Variants in SLC2A9 observed in about 807,000 individuals in gnomAD.
SLC2A9 encodes the protein solute carrier family 2, facilitated glucose transporter member 9.
A neutral mutation model predicts 50.6 loss-of-function variants in SLC2A9; 39 were observed. That is an observed-to-expected ratio of 0.77 (90% CI 0.60 to 1.01). SLC2A9 has a LOEUF of 1.01. Among genes scored for constraint, SLC2A9 ranks in the 50% least tolerant of loss-of-function variants. SLC2A9 has a pLI of 0.00. For synonymous variants in SLC2A9, 324 were observed against 276.9 expected, an observed-to-expected ratio of 1.17 and a Z score of -1.69; for missense variants, 686 against 677.6, an observed-to-expected ratio of 1.01 and a Z score of -0.14.
At chr4:10,023,099 G>A (rs1210716107), upstream of SLC2A9, among the ~76,000 whole-genome samples, 1 of 152,236 alleles carries the variant, frequency 6.6e-6, no homozygotes, top group Non-Finnish European at 1.5e-5. Flanking sequence ...GGACAGTGTG[G>A]AGGAGGCACC....
chr4:9,821,352 A>G, downstream of SLC2A9, among the ~76,000 whole-genome samples: 1 of 151,016 alleles, frequency 6.6e-6, no homozygotes, highest in Non-Finnish European at 1.5e-5. Context: ...GTGCCTTTGG[A>G]TGGATGAAGC....
chr4:9,818,127 G>T (rs753253951), intron 3 of SLC2A9, among the ~76,000 whole-genome samples: 1 of 152,206 alleles, frequency 6.6e-6, no homozygotes, highest in Non-Finnish European at 1.5e-5. Context: ...GCACTCCAGA[G>T]ATGGATGCTG....
At chr4:9,816,672 A>C (rs1723636756) in intron 3 of SLC2A9, among the ~76,000 whole-genome samples, 1 of 152,192 alleles carries the variant, frequency 6.6e-6, no homozygotes, top group African/African-American at 2.4e-5. Flanking sequence ...GCAATTTCAG[A>C]TATACGAGTT....
At chr4:9,850,642 T>C (rs1376357765) in intron 10 of SLC2A9, among the ~76,000 whole-genome samples, 1 of 152,100 alleles carries the variant, frequency 6.6e-6, no homozygotes, top group African/African-American at 2.4e-5. Context: ...CCCACTGGTG[T>C]GCACCAGCTC....
chr4:9,993,592 G>C (rs546161139), intron 3 of SLC2A9, among the ~76,000 whole-genome samples: 3 of 152,032 alleles, frequency 2.0e-5, no homozygotes, highest in African/African-American at 7.3e-5. Context: ...TGTGTGTATC[G>C]GAGCCCAGAC....
chr4:9,941,780 A>T (rs1184715197), intron 6 of SLC2A9, 133 bp downstream of exon 6: 3 of 1,293,976 alleles, frequency 2.3e-6, no homozygotes, highest in Middle Eastern at 2.6e-4. Context: ...ACCCTATGAT[A>T]CCCAGCCCAG....
At chr4:9,814,515 G>A (rs1322485984) in intron 3 of SLC2A9, among the ~76,000 whole-genome samples, 3 of 152,146 alleles carry the variant, frequency 2.0e-5, no homozygotes, top group African/African-American at 7.2e-5. Context: ...AAAAGTTGGT[G>A]GCTTAAAGCA....
chr4:9,963,701 T>C (rs1028063036), intron 5 of SLC2A9, among the ~76,000 whole-genome samples: 2 of 151,116 alleles, frequency 1.3e-5, no homozygotes, highest in Non-Finnish European at 3.0e-5. Context: ...AAAAAGGAGG[T>C]TGGGAGGAAG....
intron 1 of SLC2A9, chr4:10,019,367 C>G: frequency 2.0e-6 from 1 of 497,392 alleles, no homozygotes; most frequent in East Asian, 3.5e-5. Context: ...CTGGGCAGCT[C>G]CACACGATCC....
intron 2 of SLC2A9, among the ~76,000 whole-genome samples, chr4:10,016,455 C>T (rs1278645409): frequency 1.3e-5 from 2 of 152,126 alleles, no homozygotes; most frequent in Non-Finnish European, 2.9e-5. Flanking sequence ...GGAGGAGGGC[C>T]GGCACCTCAT....
In SLC2A9 at chr4:10,027,603, T is replaced by C. The variant is rs114637523; in HGVS notation, c.-40-1597A>G. Among the ~76,000 whole-genome samples, 604 of 152,228 alleles carry C rather than the reference T, an allele frequency of 4.0e-3. 5 individuals are homozygous for C. The highest frequency in any genetic ancestry group is 0.014 in the African/African-American group (562 of 41,548). ...TCCTCTTGGTGGTGCGGTGGTGCCA[T>C]GGAGCTTCTGTCACAGTGGTGGCAG... On this transcript the variant is annotated intron_variant, in intron 1 of 12. Transcript: ENST00000309065.
At chr4:9,849,097 A>G (rs28392795) in intron 10 of SLC2A9, among the ~76,000 whole-genome samples, 25,735 of 152,084 alleles carry the variant, frequency 0.17, 3,137 homozygotes, top group African/African-American at 0.34. Flanking sequence ...CAGGAGAGGC[A>G]TCTTGTGAGG....
intron 1 of SLC2A9, among the ~76,000 whole-genome samples, chr4:10,037,560 A>C (rs1269199264): frequency 3.3e-5 from 5 of 151,902 alleles, no homozygotes; most frequent in African/African-American, 1.2e-4. Flanking sequence ...CTGAAAACTC[A>C]GTCATCAAGG....
intron 10 of SLC2A9, among the ~76,000 whole-genome samples, chr4:9,835,332 C>G (rs1726862645): frequency 6.6e-6 from 1 of 152,204 alleles, no homozygotes; most frequent in South Asian, 2.1e-4. Context: ...TCCTTTCCTC[C>G]ATATCCTGTA....
At chr4:9,889,358 A>G (rs1736920149) in intron 9 of SLC2A9, among the ~76,000 whole-genome samples, 2 of 152,182 alleles carry the variant, frequency 1.3e-5, no homozygotes. Context: ...AACCTTGTGA[A>G]ATGAGGCTTA....
chr4:9,985,890 T>A, intron 3 of SLC2A9, 97 bp from the exon 4 acceptor site: 2 of 1,555,146 alleles, frequency 1.3e-6, no homozygotes, highest in Non-Finnish European at 1.8e-6. Context: ...TTCTGAAGGG[T>A]GAGTAGAGCA....
intron 6 of SLC2A9, among the ~76,000 whole-genome samples, chr4:9,924,478 G>A (rs1179668733): frequency 2.6e-5 from 4 of 152,158 alleles, no homozygotes; most frequent in African/African-American, 9.6e-5. Context: ...CTGGGTGGGT[G>A]GGGTCCCAGT....
At position 9,894,573 on chromosome 4, in the gene SLC2A9, A is replaced by T. The variant is rs1219958365; in HGVS notation, c.1114-3862T>A. 2.0e-5 allele frequency among the ~76,000 whole-genome samples: 3 copies of T among 152,216 alleles called. No homozygotes were observed. In the East Asian group the frequency reaches 5.8e-4, roughly 29 times the overall value. On this transcript the variant is annotated intron_variant, in intron 8 of 11. Transcript: ENST00000264784. ...TCTCTGTCCCCTGTATTATGTCTTT[A>T]TTCTTTCCAAATCACCAAATATTTC...
At chr4:9,819,960 C>A (rs1724182283) in intron 3 of SLC2A9, among the ~76,000 whole-genome samples, 1 of 152,220 alleles carries the variant, frequency 6.6e-6, no homozygotes, top group African/African-American at 2.4e-5. Flanking sequence ...CAAAAACCCC[C>A]AGTATCTTTC....
Sources: allele counts gnomAD v4.1 joint callset (sites outside exome capture counted in the v4.1 genomes callset), GRCh38; gene constraint gnomAD v4.1.1; transcripts MANE v1.5; gene names NCBI Gene and HGNC (gene_info 2026-07-23, HGNC 2026-07-21).